TFE3: variants seen among roughly 807,000 people sequenced by gnomAD.
TFE3 encodes transcription factor binding to IGHM enhancer 3.
Under a neutral mutation model 35.0 loss-of-function variants are expected in TFE3, and 5 were observed. The ratio of observed to expected loss-of-function variants is 0.14; its 90% CI spans 0.07 to 0.30. The LOEUF (loss-of-function observed/expected upper bound fraction) is 0.30. Among genes scored for constraint, TFE3 ranks in the 10% least tolerant of loss-of-function variants. TFE3 has a pLI of 1.00. For synonymous variants in TFE3, 211 were observed against 215.6 expected (o/e 0.98, Z 0.18); for missense variants, 374 against 496.6 (o/e 0.75, Z 2.35).
intron 5 of TFE3, among the ~76,000 whole-genome samples, chrX:49,035,183 A>G (rs1180104959): frequency 9.4e-6 from 1 of 106,548 alleles, no homozygotes; most frequent in Non-Finnish European, 1.9e-5. Flanking sequence ...TTAGCCGAGC[A>G]TGGTGGCCTG....
At chrX:49,039,986 A>T (rs1285194603) in intron 2 of TFE3, among the ~76,000 whole-genome samples, 1 of 109,120 alleles carries the variant, frequency 9.2e-6, no homozygotes, top group Non-Finnish European at 1.9e-5. Context: ...CCTCTCTCAG[A>T]GCCCGGGCCG....
In TFE3 at chrX:49,029,163, C is replaced by T. The variant is rs1401229635; in HGVS notation, c.*995G>A. 5.8e-6 allele frequency: 1 copy of T among 172,113 alleles called. No individual in the cohort carries two copies. The highest frequency in any genetic ancestry group is 1.1e-5 in the Non-Finnish European group (1 of 90,567). 14.2% of individuals were successfully genotyped at this position (172,113 alleles called of 1,213,427 possible). On this transcript the variant is annotated 3_prime_UTR_variant, in exon 10 of 10. Transcript: ENST00000315869. The stretch of plus-strand genomic sequence containing the variant: ...AATACTGAGGTACTGGTTCTGGTAA[C>T]CTGAACTCAGTCCCCCACTAATACC...
Position 49,029,718 on chromosome X carries a change from G to T in TFE3, c.*440C>A, listed in dbSNP as rs782355417. ...CTTGACTCCTCTTCTGTGCCAGGAC[G>T]GACTAGACTGGTGGTTCCAAGACAA... On this transcript the variant is annotated 3_prime_UTR_variant, in exon 10 of 10. Coordinates refer to ENST00000315869, the MANE Select transcript of TFE3 (RefSeq NM_006521.6). The T allele has an allele frequency of 2.3e-6, 1 of 440,688 alleles. No individual in the cohort carries two copies. Among genetic ancestry groups the T allele is most frequent in the South Asian group, 2.3e-5 (1 of 43,333 alleles). The allele number at this position is 440,688 out of a possible 1,213,427, so 36.3% of individuals were successfully genotyped here.
intron 5 of TFE3, among the ~76,000 whole-genome samples, chrX:49,035,828 A>G (rs1362930962): frequency 9.0e-6 from 1 of 110,811 alleles, no homozygotes; most frequent in Admixed American, 9.8e-5. Context: ...CTTCCATCCT[A>G]TTGATAAGTT....
chrX:49,040,426 G>A lies in TFE3; in HGVS notation c.230+29C>T, dbSNP rs1378761531. ...GGAGAGGAGGGCTGAGGAATTGGGA[G>A]GGGAATCAGATAGACAAGTCATACA... is the stretch of plus-strand genomic sequence containing the variant. On this transcript the variant is annotated intron_variant, in intron 2 of 9. Transcript: ENST00000315869. 4.5e-6 allele frequency: 5 copies of A among 1,122,528 alleles called. No individual in the cohort carries two copies. The African/African-American group carries it at 7.1e-5, about 16-fold the overall frequency. 92.5% of individuals were successfully genotyped at this position (1,122,528 alleles called of 1,213,427 possible). A position where few individuals can be genotyped will look rare whatever the true frequency, so the allele number is the denominator to read the frequency against.
Position 49,030,081 on chromosome X carries a change from G to T in TFE3, c.*77C>A, listed in dbSNP as rs11542392. ...GGCAGGGCAGTCTCATGGGAGGGTG[G>T]GGGAAAAGGCGGGGCCTCATCCTGA... On this transcript the variant is annotated 3_prime_UTR_variant, in exon 10 of 10. Coordinates refer to ENST00000315869, the MANE Select transcript of TFE3 (RefSeq NM_006521.6). 7 of 1,061,986 alleles carry T rather than the reference G, an allele frequency of 6.6e-6. No individual in the cohort carries two copies. Among genetic ancestry groups the T allele is most frequent in the Non-Finnish European group, 9.0e-6 (7 of 780,979 alleles). The allele number at this position is 1,061,986 out of a possible 1,213,427, so 87.5% of individuals were successfully genotyped here.
chrX:49,030,500 C>T lies in TFE3; in HGVS notation c.1386G>A (p.Glu462=), dbSNP rs1557073552. The T allele has an allele frequency of 1.7e-6, 2 of 1,209,967 alleles. No individual in the cohort carries two copies. Among genetic ancestry groups the T allele is most frequent in the South Asian group, 1.8e-5 (1 of 56,825 alleles). Residue 462 remains glutamate, a synonymous_variant, in exon 10 of 10, where the codon GAG becomes GAA. Coordinates refer to ENST00000315869, the MANE Select transcript of TFE3 (RefSeq NM_006521.6). ...TTSASDSLKP[E]QLDIEEEGRP... ...TGCCCTCCTCCTCAATGTCCAGCTG[C>T]TCTGGCTTGAGGCTGTCAGAAGCCG...
intron 9 of TFE3, 55 bp downstream of exon 9, chrX:49,031,342 C>G: frequency 8.8e-7 from 1 of 1,138,321 alleles, no homozygotes; most frequent in Non-Finnish European, 1.2e-6. Context: ...CTCTCTGCCT[C>G]CACCTGCAGG....
Position 49,031,422 on chromosome X carries a change from T to G in TFE3, c.1259A>C (p.Asn420Thr). The G allele has an allele frequency of 8.3e-7, 1 of 1,203,237 alleles. No homozygotes were observed. The highest frequency in any genetic ancestry group is 1.1e-6 in the Non-Finnish European group (1 of 890,878). The change falls in exon 9 of 10, where the codon AAC becomes ACC. Residue 420 changes from asparagine to threonine, a missense_variant. By Grantham distance (65) the Asn-to-Thr change is moderately conservative. Coordinates refer to ENST00000315869, the MANE Select transcript of TFE3 (RefSeq NM_006521.6). Reference protein sequence around the residue: ...ESRQRSLEQANRSLQLRIQEL... With the variant: ...ESRQRSLEQATRSLQLRIQEL... ...CTGAATTCGGAGCTGCAGGCTGCGG[T>G]TGGCCTGCTCCAGGGATCGCTGCCG... is the stretch of plus-strand genomic sequence containing the variant.
At position 49,030,210 on chromosome X, in the gene TFE3, A is replaced by G; in HGVS notation, c.1676T>C (p.Val559Ala). The G allele has an allele frequency of 1.7e-6, 2 of 1,205,870 alleles. No homozygotes were observed. Among genetic ancestry groups the G allele is most frequent in the Non-Finnish European group, 2.2e-6 (2 of 892,777 alleles). ...GCTGCGGCGGCTGCTGGCCTTGGAG[A>G]CAGCAGGGGACACTGAAGAGAGCAG... ...DPLLSSVSPA[V>A]SKASSRRSSF... is the part of the protein sequence containing the mutation. Residue 559 changes from valine (V) to alanine (A), a missense_variant, in exon 10 of 10, where the codon GTC becomes GCC. Around this residue, in one of 3 missense-constraint regions of TFE3, gnomAD observed 117 missense variants for 111.9 expected, o/e 1.05. Coordinates refer to ENST00000315869, the MANE Select transcript of TFE3 (RefSeq NM_006521.6).
chrX:49,040,581 TG>T lies in TFE3; in HGVS notation c.117-14del. On this transcript the variant is annotated splice_polypyrimidine_tract_variant and intron_variant, in intron 1 of 9. Transcript: ENST00000315869. ...CAAAGAGTTCAGGCTGAGGGGGAGG[TG>T]GAGTGGTGGTCAGTGATTGAATGAA... is the stretch of plus-strand genomic sequence containing the variant. 9.0e-7 allele frequency: 1 copy of T among 1,114,786 alleles called. No individual in the cohort carries two copies. The highest frequency in any genetic ancestry group is 1.2e-6 in the Non-Finnish European group (1 of 809,478). The allele number at this position is 1,114,786 out of a possible 1,213,427, so 91.9% of individuals were successfully genotyped here.
rs782205722 is a variant in TFE3, at chrX:49,040,543, C to T, written c.142G>A (p.Gly48Arg). The change falls in exon 2 of 10, where the codon GGG (glycine) becomes AGG (arginine). Residue 48 changes from glycine to arginine, a missense_variant. By Grantham distance (125) the Gly-to-Arg change is moderately radical. Coordinates refer to ENST00000315869, the MANE Select transcript of TFE3 (RefSeq NM_006521.6). ...LSLNSLLPES[G>R]IVADIELENV... ...TCTAATTCTATGTCAGCAACAATCC[C>T]GGATTCCGGAAGCAAAGAGTTCAGG... 8.3e-7 allele frequency: 1 copy of T among 1,207,656 alleles called. No homozygotes were observed. Among genetic ancestry groups the T allele is most frequent in the African/African-American group, 1.8e-5 (1 of 56,827 alleles).
At chrX:49,036,482 A>AT (rs1171477015) in intron 5 of TFE3, among the ~76,000 whole-genome samples, 5 of 16,366 alleles carry the variant, frequency 3.1e-4, no homozygotes, top group South Asian at 0.014. Flanking sequence ...AAAAAAAAAA[A>AT]TTCAATAAAA....
chrX:49,033,824 G>A (rs781846888), intron 6 of TFE3, 42 bp from the exon 7 acceptor site: 5 of 1,188,053 alleles, frequency 4.2e-6, no homozygotes, highest in South Asian at 3.6e-5. Context: ...AGCACAGGAA[G>A]GCAAGAAACA....
chrX:49,036,519 G>A (rs1363716046), intron 5 of TFE3, among the ~76,000 whole-genome samples: 1 of 102,485 alleles, frequency 9.8e-6, no homozygotes, highest in African/African-American at 3.6e-5. Context: ...AATAAAGCAA[G>A]TTAGGCCAGG....
At position 49,031,440 on chromosome X, in the gene TFE3, C is replaced by T. The variant is rs782522606; in HGVS notation, c.1241G>A (p.Arg414Gln). ...GCTGCGGTTGGCCTGCTCCAGGGATCGCTGCCGGCTCTCCAGGTCTTTGGA... is the reference window on the plus strand; with the variant it reads ...GCTGCGGTTGGCCTGCTCCAGGGATTGCTGCCGGCTCTCCAGGTCTTTGGA... ...QRSKDLESRQ[R>Q]SLEQANRSLQ... The change falls in exon 9 of 10, where the codon CGA (arginine) becomes CAA (glutamine). Residue 414 changes from arginine to glutamine, a missense_variant. This residue lies in a region of TFE3 where 167 missense variants were observed against 297.2 expected (regional missense o/e 0.56). Transcript: ENST00000315869. 1.7e-6 allele frequency: 2 copies of T among 1,203,771 alleles called. No homozygotes were observed. The highest frequency in any genetic ancestry group is 2.2e-6 in the Non-Finnish European group (2 of 891,278).
At chrX:49,040,932 C>G (rs933690645) in intron 1 of TFE3, among the ~76,000 whole-genome samples, 2 of 104,192 alleles carry the variant, frequency 1.9e-5, no homozygotes, top group Non-Finnish European at 3.8e-5. Context: ...CCCCATACCC[C>G]CTACTTTTTT....
chrX:49,034,910 A>G (rs1557074388), intron 5 of TFE3, among the ~76,000 whole-genome samples: 1 of 109,357 alleles, frequency 9.1e-6, no homozygotes, highest in Non-Finnish European at 1.9e-5. Flanking sequence ...CTCTCAGGAG[A>G]TTCTTATCCA....
intron 1 of TFE3, 88 bp from the exon 2 acceptor site, chrX:49,040,656 G>A (rs7056903): frequency 4.6e-6 from 3 of 647,839 alleles, no homozygotes; most frequent in Middle Eastern, 3.5e-4. Context: ...AGAGAGAGAG[G>A]GGGGGAGAAC....
Sources: allele counts gnomAD v4.1 joint callset (sites outside exome capture counted in the v4.1 genomes callset), GRCh38; gene constraint gnomAD v4.1.1; regional missense constraint gnomAD v4.1.1; transcripts MANE v1.5; gene names NCBI Gene and HGNC (gene_info 2026-07-23, HGNC 2026-07-21).